Variants in CRACD observed in about 807,000 individuals in gnomAD.
CRACD encodes capping protein inhibiting regulator of actin dynamics.
In CRACD, 56 loss-of-function variants were observed where a neutral mutation model predicts 106.8. The observed-to-expected ratio is 0.52, with a 90% CI of 0.42 to 0.66. CRACD has a LOEUF of 0.66. Ranked by LOEUF, CRACD falls within the 30% of genes least tolerant of loss-of-function variation. The probability of loss-of-function intolerance (pLI) is 0.00; values close to 1 mark genes in which losing one functional copy is unlikely to be tolerated. For missense variants in CRACD, 1,730 were observed against 1,623.2 expected (o/e 1.07, Z -1.13); for synonymous variants, 754 against 670.8 (o/e 1.12, Z -1.92).
intron 2 of CRACD, among the ~76,000 whole-genome samples, chr4:56,205,485 C>G (rs923028265): frequency 2.6e-5 from 4 of 151,782 alleles, no homozygotes; most frequent in African/African-American, 9.7e-5. Flanking sequence ...CCCCGATAAA[C>G]TGTTCTAAGC....
At chr4:56,094,343 T>C (rs1182634848) in intron 1 of CRACD, among the ~76,000 whole-genome samples, 3 of 152,108 alleles carry the variant, frequency 2.0e-5, no homozygotes, top group Admixed American at 6.5e-5. Context: ...TGGAATTATA[T>C]GCACAGGAAA....
chr4:56,103,675 T>C (rs1040356990), intron 1 of CRACD, among the ~76,000 whole-genome samples: 16 of 152,248 alleles, frequency 1.1e-4, no homozygotes, highest in Admixed American at 9.2e-4. Flanking sequence ...TCTCTGTGTC[T>C]TTTGTAATTC....
intron 2 of CRACD, among the ~76,000 whole-genome samples, chr4:56,182,806 G>C (rs567651367): frequency 2.0e-5 from 3 of 151,472 alleles, no homozygotes; most frequent in African/African-American, 7.3e-5. Flanking sequence ...AACATATGTA[G>C]AACATTTTGT....
chr4:56,252,187 A>G lies in CRACD; in HGVS notation c.-188-20134A>G, dbSNP rs79197799. 2.0e-4 allele frequency among the ~76,000 whole-genome samples: 30 copies of G among 152,320 alleles called. No homozygotes were observed. In the East Asian group the frequency reaches 3.5e-3, roughly 18 times the overall value. ...CGGCCTTAAGATTCCTCTTAGTCCAAAAAACTGCTTTACTTATCTGGGCTT... is the reference window on the plus strand; with the variant it reads ...CGGCCTTAAGATTCCTCTTAGTCCAGAAAACTGCTTTACTTATCTGGGCTT... On this transcript the variant is annotated intron_variant, in intron 2 of 10. Coordinates refer to ENST00000682029, the MANE Select transcript of CRACD (RefSeq NM_001393381.1).
At position 56,243,063 on chromosome 4, in the gene CRACD, A is replaced by G. The variant is rs4865074; in HGVS notation, c.-188-29258A>G. Among the ~76,000 whole-genome samples the G allele has an allele frequency of 0.052, 7,894 of 152,210 alleles. 1,375 individuals are homozygous for G. In the East Asian group the frequency reaches 0.61, roughly 12 times the overall value. On this transcript the variant is annotated intron_variant, in intron 2 of 10. Coordinates refer to ENST00000682029, the MANE Select transcript of CRACD (RefSeq NM_001393381.1). ...TATTTTCCCTTTATCCTTTTTACTA[A>G]TAGAACTTCCCCAAGTTTTGGCAAA...
At chr4:56,283,648 A>T (rs948453879) in intron 3 of CRACD, among the ~76,000 whole-genome samples, 2 of 152,200 alleles carry the variant, frequency 1.3e-5, no homozygotes, top group Admixed American at 1.3e-4. Context: ...TTACTGGCTC[A>T]CTGTGCGGCC....
In CRACD at chr4:56,327,841, G is replaced by C; in HGVS notation, c.*37G>C. The C allele has an allele frequency of 6.4e-7, 1 of 1,568,656 alleles. No individual in the cohort carries two copies. Among genetic ancestry groups the C allele is most frequent in the East Asian group, 2.3e-5 (1 of 44,398 alleles). ...CACCCATCCCTACTGCCAGTTATTG[G>C]CTCCTCTCTTGCCCTTTTTATTTAT... On this transcript the variant is annotated 3_prime_UTR_variant, in exon 11 of 11. Transcript: ENST00000682029.
chr4:56,088,135 T>C lies in CRACD; in HGVS notation c.-336+38836T>C, dbSNP rs1733293731. Among the ~76,000 whole-genome samples, 3 of 142,488 alleles carry C rather than the reference T, an allele frequency of 2.1e-5. No homozygotes were observed. The South Asian group carries it at 6.6e-4, about 32-fold the overall frequency. The allele number at this position is 142,488 out of a possible 152,430, so 93.5% of individuals were successfully genotyped here. On this transcript the variant is annotated intron_variant, in intron 1 of 10. Coordinates refer to ENST00000682029, the MANE Select transcript of CRACD (RefSeq NM_001393381.1). ...CCTCCATCTCTCTAGATTGTTTCTTTTTTTTTTTTTTTTTCTTTTCAGCTT... is the reference window on the plus strand; with the variant it reads ...CCTCCATCTCTCTAGATTGTTTCTTCTTTTTTTTTTTTTTCTTTTCAGCTT...
At chr4:56,276,744 T>A (rs1742696727) in intron 3 of CRACD, among the ~76,000 whole-genome samples, 1 of 152,210 alleles carries the variant, frequency 6.6e-6, no homozygotes, top group South Asian at 2.1e-4. Context: ...CCCTGAATCA[T>A]CATACTGGTC....
At chr4:56,162,901 GC>G (rs1391394433) in intron 1 of CRACD, among the ~76,000 whole-genome samples, 2 of 152,212 alleles carry the variant, frequency 1.3e-5, no homozygotes, top group Admixed American at 1.3e-4. Context: ...AAGGTTTTAG[GC>G]TTTTGGGCCA....
intron 7 of CRACD, 54 bp from the exon 8 acceptor site, chr4:56,313,986 C>A (rs1745324944): frequency 6.4e-7 from 1 of 1,560,004 alleles, no homozygotes; most frequent in Non-Finnish European, 8.7e-7. Context: ...GGAAAAGGAA[C>A]GACTGTGGGT....
At chr4:56,293,517 A>C (rs1437307190) in intron 3 of CRACD, among the ~76,000 whole-genome samples, 1 of 152,192 alleles carries the variant, frequency 6.6e-6, no homozygotes, top group Non-Finnish European at 1.5e-5. Context: ...AGACTGGGTA[A>C]TTTATAAAGA....
chr4:56,300,361 C>A (rs1712422870), intron 4 of CRACD, among the ~76,000 whole-genome samples: 1 of 7,262 alleles, frequency 1.4e-4, no homozygotes, highest in African/African-American at 6.3e-4. Flanking sequence ...CATAGTCCTG[C>A]CCTCAGGGCC....
At chr4:56,049,365 A>T (rs1274680513) in intron 1 of CRACD, 66 bp downstream of exon 1, 1 of 150,446 alleles carries the variant, frequency 6.6e-6, no homozygotes, top group Non-Finnish European at 1.5e-5. Context: ...TCTCTCCTCC[A>T]CTCGCGCCCC....
At chr4:56,065,561 C>T (rs1403540996) in intron 1 of CRACD, among the ~76,000 whole-genome samples, 2 of 152,188 alleles carry the variant, frequency 1.3e-5, no homozygotes, top group East Asian at 3.8e-4. Flanking sequence ...CGGTGAGGTA[C>T]AGGGTATACC....
intron 1 of CRACD, among the ~76,000 whole-genome samples, chr4:56,072,289 A>C (rs1338716334): frequency 6.6e-6 from 1 of 152,196 alleles, no homozygotes; most frequent in East Asian, 1.9e-4. Context: ...TTCGTGCTAT[A>C]AAGGTTTTCA....
At chr4:56,185,180 A>G (rs1487313202) in intron 2 of CRACD, among the ~76,000 whole-genome samples, 1 of 152,032 alleles carries the variant, frequency 6.6e-6, no homozygotes, top group Non-Finnish European at 1.5e-5. Flanking sequence ...GATGGTCTCG[A>G]TCTCCTGACC....
chr4:56,138,959 A>AGT (rs1454716421), intron 1 of CRACD, among the ~76,000 whole-genome samples: 1 of 152,220 alleles, frequency 6.6e-6, no homozygotes, highest in African/African-American at 2.4e-5. Context: ...GTATAACTTT[A>AGT]GTAGGTTTCA....
chr4:56,167,364 A>G (rs1385986963), intron 1 of CRACD, among the ~76,000 whole-genome samples: 1 of 152,230 alleles, frequency 6.6e-6, no homozygotes, highest in Admixed American at 6.5e-5. Flanking sequence ...GCCAAATTAT[A>G]ATTGTATATA....
Sources: gnomAD v4.1 joint callset for allele counts (sites outside exome capture counted in the v4.1 genomes callset) on GRCh38, gnomAD v4.1.1 for gene constraint, MANE v1.5 for transcripts, NCBI Gene and HGNC (gene_info 2026-07-23, HGNC 2026-07-21) for gene names.